Variants in DHX35 observed in about 807,000 individuals in gnomAD.
DHX35 encodes the protein DEAH-box helicase 35.
A neutral mutation model predicts 99.6 loss-of-function variants in DHX35; 84 were observed. The observed-to-expected ratio is 0.84, with a 90% CI of 0.71 to 1.01. DHX35 has a LOEUF of 1.01. Among genes scored for constraint, DHX35 ranks in the 50% least tolerant of loss-of-function variants. The probability of loss-of-function intolerance (pLI) is 0.00; values close to 1 mark genes in which losing one functional copy is unlikely to be tolerated. For missense variants in DHX35, 852 were observed against 888.5 expected (o/e 0.96, Z 0.52); for synonymous variants, 331 against 316.2 (o/e 1.05, Z -0.50).
chr20:38,968,188 G>A (rs2085937836), intron 1 of DHX35, among the ~76,000 whole-genome samples: 1 of 152,188 alleles, frequency 6.6e-6, no homozygotes, highest in East Asian at 1.9e-4. Context: ...GGACCACGAT[G>A]AATGATTGGT....
In DHX35 at chr20:39,006,238, C is replaced by T. The variant is rs1431798305; in HGVS notation, c.1104C>T (p.Tyr368=). 1.2e-6 allele frequency: 2 copies of T among 1,614,174 alleles called. No homozygotes were observed. Among genetic ancestry groups the T allele is most frequent in the South Asian group, 1.1e-5 (1 of 91,082 alleles). The change falls in exon 12 of 22, where the codon TAC becomes TAT. Residue 368 remains tyrosine (Y), a synonymous_variant. Transcript: ENST00000252011. ...GTGGCTTTGTGAAACTCCGAGCCTA[C>T]AATCCCAGGACAGCTATTGAATGCT... ...IDCGFVKLRA[Y]NPRTAIECLV...
In DHX35 at chr20:38,987,642, T is replaced by G. The variant is rs1328514481; in HGVS notation, c.346-1171T>G. On this transcript the variant is annotated intron_variant, in intron 4 of 21. Transcript: ENST00000252011. ...TTAATAAGTTAACTTTTGAATAGCC[T>G]TCTTGGGGGAATGCAGAGATCTTGC... 2.0e-5 allele frequency among the ~76,000 whole-genome samples: 3 copies of G among 152,256 alleles called. No individual in the cohort carries two copies. In the East Asian group the frequency reaches 5.8e-4, roughly 29 times the overall value.
intron 13 of DHX35, among the ~76,000 whole-genome samples, chr20:39,011,373 T>C (rs1426894467): frequency 6.6e-6 from 1 of 152,228 alleles, no homozygotes; most frequent in Non-Finnish European, 1.5e-5. Flanking sequence ...TCTCACTCTG[T>C]AGCCCAGGCT....
At chr20:39,022,077 G>C in intron 16 of DHX35, 142 bp downstream of exon 16, 1 of 710,650 alleles carries the variant, frequency 1.4e-6, no homozygotes, top group Non-Finnish European at 2.3e-6. Context: ...TTCCGTGCTT[G>C]ATGTTGTGTC....
chr20:38,976,451 T>TA (rs905426818), intron 3 of DHX35, among the ~76,000 whole-genome samples: 3 of 150,332 alleles, frequency 2.0e-5, no homozygotes, highest in Non-Finnish European at 4.4e-5. Context: ...TCTTTCATTT[T>TA]AAAAAAAAAC....
At chr20:38,997,085 T>TA (rs56669092) in intron 8 of DHX35, among the ~76,000 whole-genome samples, 34 of 147,244 alleles carry the variant, frequency 2.3e-4, no homozygotes, top group African/African-American at 8.6e-4. Flanking sequence ...TTTATTTATT[T>TA]TTTGACACCA....
At chr20:38,970,827 C>CAA (rs2085984335) in intron 2 of DHX35, among the ~76,000 whole-genome samples, 1 of 142,038 alleles carries the variant, frequency 7.0e-6, no homozygotes. Context: ...TACAAGATAA[C>CAA]ATAAATGAAA....
intron 13 of DHX35, among the ~76,000 whole-genome samples, chr20:39,012,499 C>T (rs1351817647): frequency 6.6e-6 from 1 of 151,678 alleles, no homozygotes. Flanking sequence ...GGTGACTGCA[C>T]GTTGATATAG....
intron 3 of DHX35, among the ~76,000 whole-genome samples, chr20:38,973,882 T>C (rs1206408134): frequency 6.6e-6 from 1 of 152,264 alleles, no homozygotes; most frequent in Non-Finnish European, 1.5e-5. Context: ...ATGTAAAATG[T>C]AATGCTAACC....
intron 2 of DHX35, among the ~76,000 whole-genome samples, chr20:38,969,573 A>G (rs952248414): frequency 2.0e-5 from 3 of 152,166 alleles, no homozygotes; most frequent in African/African-American, 7.2e-5. Context: ...TTTTTGCTTT[A>G]TTTTTAAAGT....
At chr20:38,986,188 A>ATTT (rs56980978) in intron 4 of DHX35, among the ~76,000 whole-genome samples, 5 of 143,396 alleles carry the variant, frequency 3.5e-5, no homozygotes, top group Non-Finnish European at 4.6e-5. Flanking sequence ...GTGCTCAGTG[A>ATTT]TTTTTTTTTT....
At chr20:38,966,111 A>C (rs1352291076) in intron 1 of DHX35, among the ~76,000 whole-genome samples, 3 of 152,248 alleles carry the variant, frequency 2.0e-5, no homozygotes, top group Non-Finnish European at 4.4e-5. Flanking sequence ...GTCACCAGTA[A>C]AATTTTTAAA....
At chr20:38,989,302 G>C (rs2086301131) in intron 5 of DHX35, among the ~76,000 whole-genome samples, 1 of 135,258 alleles carries the variant, frequency 7.4e-6, no homozygotes, top group African/African-American at 2.8e-5. Flanking sequence ...TTTTAGTAGA[G>C]ACGGGGTTTC....
At chr20:38,995,397 G>A (rs2086412557) in intron 8 of DHX35, among the ~76,000 whole-genome samples, 1 of 152,080 alleles carries the variant, frequency 6.6e-6, no homozygotes, top group African/African-American at 2.4e-5. Flanking sequence ...AGTAGTACAT[G>A]CCTATAATCC....
chr20:39,014,885 T>C lies in DHX35; in HGVS notation c.1353T>C (p.Pro451=). The change falls in exon 14 of 22, where the codon CCT becomes CCC. Residue 451 remains proline, a synonymous_variant. Coordinates refer to ENST00000252011, the MANE Select transcript of DHX35 (RefSeq NM_021931.4). ...GATTTTTATGTTTTTTCCAGCCCCC[T>C]CCAGCACAGTCGATGGTTCAAGCCT... ...NVLRFHFMSP[P]PAQSMVQALE... 3 of 1,614,164 alleles carry C rather than the reference T, an allele frequency of 1.9e-6. No homozygotes were observed. The highest frequency in any genetic ancestry group is 2.5e-6 in the Non-Finnish European group (3 of 1,180,020).
intron 7 of DHX35, among the ~76,000 whole-genome samples, chr20:38,994,001 C>A (rs1447781694): frequency 4.6e-5 from 7 of 152,130 alleles, no homozygotes; most frequent in African/African-American, 1.7e-4. Flanking sequence ...GCCCCTAGCC[C>A]CCTCAGCCAG....
chr20:38,979,797 A>G (rs762848943), intron 3 of DHX35, among the ~76,000 whole-genome samples: 1 of 151,580 alleles, frequency 6.6e-6, no homozygotes, highest in Non-Finnish European at 1.5e-5. Context: ...TAATTTTGAA[A>G]TTCTACAAAC....
intron 20 of DHX35, among the ~76,000 whole-genome samples, chr20:39,031,555 T>TC (rs1240046441): frequency 6.6e-6 from 1 of 152,156 alleles, no homozygotes; most frequent in African/African-American, 2.4e-5. Context: ...CAGGCTGGTC[T>TC]CCAACTCCTG....
intron 1 of DHX35, chr20:38,962,708 T>C: frequency 2.3e-6 from 1 of 426,888 alleles, no homozygotes; most frequent in Non-Finnish European, 4.2e-6. Context: ...TGGGGAATCC[T>C]AAAGCTCCCT....
Sources: allele counts gnomAD v4.1 joint callset (sites outside exome capture counted in the v4.1 genomes callset), GRCh38; gene constraint gnomAD v4.1.1; transcripts MANE v1.5; gene names NCBI Gene and HGNC (gene_info 2026-07-23, HGNC 2026-07-21).